The following HS6ST3 variants were observed in gnomAD, a reference collection of about 807,000 sequenced individuals.
HS6ST3 encodes heparan sulfate 6-O-sulfotransferase 3, also known as heparan-sulfate 6-O-sulfotransferase 3.
HS6ST3 carries 12 observed loss-of-function variants against 36.7 expected under a neutral mutation model. The observed-to-expected ratio is 0.33, with a 90% CI of 0.21 to 0.53. The LOEUF is 0.53. Ranked by LOEUF, HS6ST3 falls within the 20% of genes least tolerant of loss-of-function variation. The pLI is 0.95. For synonymous variants in HS6ST3, 240 were observed against 257.5 expected, an observed-to-expected ratio of 0.93 and a Z score of 0.65; for missense variants, 584 against 640.9, an observed-to-expected ratio of 0.91 and a Z score of 0.96.
chr13:96,529,241 G>T (rs1594800581), intron 1 of HS6ST3, among the ~76,000 whole-genome samples: 1 of 152,206 alleles, frequency 6.6e-6, no homozygotes, highest in East Asian at 1.9e-4. Context: ...TAGAATTTAA[G>T]CATAGGGTAT....
At chr13:96,677,498 C>CAT (rs1397574413) in intron 1 of HS6ST3, among the ~76,000 whole-genome samples, 8 of 152,004 alleles carry the variant, frequency 5.3e-5, no homozygotes, top group South Asian at 2.1e-4. Flanking sequence ...TACACTTACA[C>CAT]ATATATATAC....
At chr13:96,807,942 A>T (rs1878236472) in intron 1 of HS6ST3, among the ~76,000 whole-genome samples, 1 of 152,152 alleles carries the variant, frequency 6.6e-6, no homozygotes, top group Middle Eastern at 3.2e-3. Flanking sequence ...ATGCCTAGAT[A>T]TACTATTAAA....
intron 1 of HS6ST3, among the ~76,000 whole-genome samples, chr13:96,096,438 C>G (rs2053791454): frequency 6.6e-6 from 1 of 152,060 alleles, no homozygotes; most frequent in African/African-American, 2.4e-5. Flanking sequence ...CCTGGATGGC[C>G]TTTTATTTTA....
intron 1 of HS6ST3, among the ~76,000 whole-genome samples, chr13:96,799,998 G>GTATATATATATGTA (rs1878024354): frequency 5.3e-5 from 4 of 75,312 alleles, no homozygotes; most frequent in Admixed American, 1.4e-4. Flanking sequence ...ATATATATAT[G>GTATATATATATGTA]TATATATATA....
chr13:96,772,679 A>G (rs545559834), intron 1 of HS6ST3, among the ~76,000 whole-genome samples: 10 of 152,320 alleles, frequency 6.6e-5, no homozygotes, highest in African/African-American at 2.4e-4. Flanking sequence ...GAAGTTATAT[A>G]AGTACATCAG....
chr13:96,248,123 T>C (rs1328981858), intron 1 of HS6ST3, among the ~76,000 whole-genome samples: 2 of 152,186 alleles, frequency 1.3e-5, no homozygotes, highest in Non-Finnish European at 2.9e-5. Context: ...TTCAAATACT[T>C]GCCCTAAAGA....
chr13:96,184,434 T>C (rs2054256071), intron 1 of HS6ST3, among the ~76,000 whole-genome samples: 1 of 152,150 alleles, frequency 6.6e-6, no homozygotes, highest in South Asian at 2.1e-4. Flanking sequence ...CTTTTCTCTC[T>C]TCCCACACAT....
chr13:96,740,864 C>A (rs552749061), intron 1 of HS6ST3, among the ~76,000 whole-genome samples: 5 of 152,272 alleles, frequency 3.3e-5, no homozygotes, highest in Admixed American at 3.3e-4. Context: ...TAACTGCTCA[C>A]AAATGGACCA....
At chr13:96,642,602 A>G (rs1448309296) in intron 1 of HS6ST3, among the ~76,000 whole-genome samples, 1 of 151,818 alleles carries the variant, frequency 6.6e-6, no homozygotes, top group Non-Finnish European at 1.5e-5. Flanking sequence ...TTTCCTACCT[A>G]GATAATTTCA....
At chr13:96,809,074 T>G (rs78163643) in intron 1 of HS6ST3, among the ~76,000 whole-genome samples, 144 of 152,318 alleles carry the variant, frequency 9.5e-4, no homozygotes, top group African/African-American at 3.3e-3. Flanking sequence ...TAGATTCACT[T>G]CTAACCATTT....
At chr13:96,511,841 C>A (rs1383571656) in intron 1 of HS6ST3, among the ~76,000 whole-genome samples, 1 of 152,034 alleles carries the variant, frequency 6.6e-6, no homozygotes, top group Admixed American at 6.6e-5. Context: ...CATTTAATTT[C>A]TTTGTTTTAA....
At chr13:96,331,317 A>C (rs1263083433) in intron 1 of HS6ST3, among the ~76,000 whole-genome samples, 1 of 151,294 alleles carries the variant, frequency 6.6e-6, no homozygotes, top group African/African-American at 2.4e-5. Flanking sequence ...GGTTTTATCT[A>C]CTTTTGGTCT....
chr13:96,189,121 A>G (rs1594709517), intron 1 of HS6ST3, among the ~76,000 whole-genome samples: 1 of 152,122 alleles, frequency 6.6e-6, no homozygotes, highest in Non-Finnish European at 1.5e-5. Flanking sequence ...GATTAAATCT[A>G]TAGGAATTAT....
intron 1 of HS6ST3, among the ~76,000 whole-genome samples, chr13:96,424,726 C>T (rs1297992682): frequency 6.6e-6 from 1 of 152,118 alleles, no homozygotes; most frequent in East Asian, 1.9e-4. Context: ...GGGATCTGCC[C>T]TCGTGACCTG....
intron 1 of HS6ST3, among the ~76,000 whole-genome samples, chr13:96,305,118 A>T (rs1688332701): frequency 6.6e-6 from 1 of 152,184 alleles, no homozygotes; most frequent in Admixed American, 6.6e-5. Context: ...CCTGTCTCTA[A>T]ATTATAGCCA....
chr13:96,812,499 C>T (rs1878337613), intron 1 of HS6ST3, among the ~76,000 whole-genome samples: 1 of 152,132 alleles, frequency 6.6e-6, no homozygotes, highest in African/African-American at 2.4e-5. Context: ...CGAGCAAAAC[C>T]AGCCCTCCTG....
At chr13:96,209,268 T>G (rs892345431) in intron 1 of HS6ST3, among the ~76,000 whole-genome samples, 1 of 152,144 alleles carries the variant, frequency 6.6e-6, no homozygotes, top group Non-Finnish European at 1.5e-5. Flanking sequence ...GCGGGGATCA[T>G]ATTAGAACAA....
At chr13:96,345,816 C>T (rs2139428327) in intron 1 of HS6ST3, among the ~76,000 whole-genome samples, 1 of 152,266 alleles carries the variant, frequency 6.6e-6, no homozygotes. Flanking sequence ...ATAAAATACA[C>T]TAACATGAAT....
chr13:96,685,196 T>G (rs543016466), intron 1 of HS6ST3, among the ~76,000 whole-genome samples: 1 of 152,182 alleles, frequency 6.6e-6, no homozygotes, highest in African/African-American at 2.4e-5. Context: ...AAAGTGATAT[T>G]TCAGGTTAAA....
Sources: gnomAD v4.1 joint callset for allele counts (sites outside exome capture counted in the v4.1 genomes callset) on GRCh38, gnomAD v4.1.1 for gene constraint, MANE v1.5 for transcripts, NCBI Gene and HGNC (gene_info 2026-07-23, HGNC 2026-07-21) for gene names.